ZMYM5: variants seen among roughly 807,000 people sequenced by gnomAD.
ZMYM5 encodes zinc finger MYM-type containing 5.
Under a neutral mutation model 61.8 loss-of-function variants are expected in ZMYM5, and 41 were observed. The observed-to-expected ratio is 0.66, with a 90% confidence interval of 0.52 to 0.86. The LOEUF (loss-of-function observed/expected upper bound fraction) is 0.86, where lower values mean the gene tolerates loss of function less well. Among genes scored for constraint, ZMYM5 ranks in the 40% least tolerant of loss-of-function variants. The pLI, the probability that ZMYM5 is intolerant of heterozygous loss-of-function variation, is 0.00. For missense variants in ZMYM5, 706 were observed against 786.7 expected (o/e 0.90, Z 1.23); for synonymous variants, 257 against 276.4 (o/e 0.93, Z 0.70).
rs558563552 is a variant in ZMYM5, at chr13:19,860,710, T to C, written c.-11+1689A>G. Among the ~76,000 whole-genome samples the C allele has an allele frequency of 3.3e-3, 505 of 151,978 alleles. 6 individuals carry two copies. Among genetic ancestry groups the C allele is most frequent in the African/African-American group, 0.012 (482 of 41,428 alleles). ...ACCTCGGCCTCCCAAAGTGCTGGGA[T>C]TACAGGTGTGAGCCACCATGCCCAG... On this transcript the variant is annotated intron_variant, in intron 2 of 7. Transcript: ENST00000337963.
intron 7 of ZMYM5, among the ~76,000 whole-genome samples, chr13:19,826,789 A>AAAACTTAG (rs1302579002): frequency 2.0e-5 from 3 of 152,064 alleles, no homozygotes; most frequent in African/African-American, 7.2e-5. Flanking sequence ...TGTCCACACA[A>AAAACTTAG]AAACTTAGAC....
intron 3 of ZMYM5, 83 bp downstream of exon 3, chr13:19,851,606 G>A (rs1953299008): frequency 6.5e-7 from 1 of 1,543,742 alleles, no homozygotes; most frequent in Non-Finnish European, 8.7e-7. Flanking sequence ...GCTTATACCT[G>A]TTTCTAAGGT....
chr13:19,856,019 A>T (rs1215248149), intron 2 of ZMYM5, among the ~76,000 whole-genome samples: 1 of 151,918 alleles, frequency 6.6e-6, no homozygotes, highest in Non-Finnish European at 1.5e-5. Context: ...TTCCATCTCA[A>T]AAACAAAAAA....
chr13:19,856,828 C>T (rs1489375117), intron 2 of ZMYM5, among the ~76,000 whole-genome samples: 2 of 151,622 alleles, frequency 1.3e-5, no homozygotes, highest in African/African-American at 2.4e-5. Context: ...ACAAAAAGGC[C>T]GGGCGCAGTG....
intron 4 of ZMYM5, among the ~76,000 whole-genome samples, chr13:19,850,496 G>A (rs1408399984): frequency 6.6e-6 from 1 of 152,060 alleles, no homozygotes; most frequent in African/African-American, 2.4e-5. Flanking sequence ...AGCTACCTGG[G>A]AGGCTGAGGC....
chr13:19,847,879 T>C (rs570391777), intron 4 of ZMYM5, among the ~76,000 whole-genome samples: 1 of 148,412 alleles, frequency 6.7e-6, no homozygotes, highest in South Asian at 2.2e-4. Context: ...GGTCTCGATC[T>C]CCTGACCTCG....
chr13:19,851,204 A>G, intron 4 of ZMYM5, 151 bp downstream of exon 4: 1 of 713,812 alleles, frequency 1.4e-6, no homozygotes, highest in Non-Finnish European at 2.3e-6. Flanking sequence ...GGGTGAGAAG[A>G]GCGAAACTCG....
At chr13:19,860,131 A>G (rs1736321252) in intron 2 of ZMYM5, among the ~76,000 whole-genome samples, 1 of 149,010 alleles carries the variant, frequency 6.7e-6, no homozygotes, top group Non-Finnish European at 1.5e-5. Flanking sequence ...AAAAGAGGAA[A>G]AAAAAAGAAT....
chr13:19,846,241 A>G (rs1388552660), intron 4 of ZMYM5, among the ~76,000 whole-genome samples: 1 of 152,218 alleles, frequency 6.6e-6, no homozygotes, highest in Non-Finnish European at 1.5e-5. Flanking sequence ...ACTGGGTAGT[A>G]TGCATAAAGT....
chr13:19,847,803 A>ATTTTTTTTTT (rs34176871), intron 4 of ZMYM5, among the ~76,000 whole-genome samples: 542 of 79,762 alleles, frequency 6.8e-3, no homozygotes, highest in African/African-American at 7.4e-3. Context: ...TGCCCGGCTA[A>ATTTTTTTTTT]TTTTTTTTTT....
At chr13:19,833,747 A>T (rs1193065045) in intron 7 of ZMYM5, among the ~76,000 whole-genome samples, 1 of 152,240 alleles carries the variant, frequency 6.6e-6, no homozygotes, top group Non-Finnish European at 1.5e-5. Context: ...AGCAAATAAT[A>T]AATAGGACTT....
intron 6 of ZMYM5, among the ~76,000 whole-genome samples, chr13:19,836,050 C>T (rs1952665600): frequency 6.6e-6 from 1 of 152,174 alleles, no homozygotes; most frequent in South Asian, 2.1e-4. Flanking sequence ...TATCGAACTC[C>T]TGACCTCAAG....
At position 19,830,839 on chromosome 13, in the gene ZMYM5, C is replaced by CT. The variant is rs1160103759; in HGVS notation, c.1251+4637dup. ...GCCAACTGTTTATGAGTTACTTTTT[C>CT]TTTTTTTTTTTTTTTTTTGAGACAG... On this transcript the variant is annotated intron_variant, in intron 7 of 7. Coordinates refer to ENST00000337963, the MANE Select transcript of ZMYM5 (RefSeq NM_001142684.2). Among the ~76,000 whole-genome samples the CT allele has an allele frequency of 7.2e-3, 932 of 129,550 alleles. 18 individuals are homozygous for CT. Among genetic ancestry groups the CT allele is most frequent in the East Asian group, 0.061 (270 of 4,408 alleles). The allele number at this position is 129,550 out of a possible 152,430, so 85.0% of individuals were successfully genotyped here. A position where few individuals can be genotyped will look rare whatever the true frequency, so the allele number is the denominator to read the frequency against.
intron 7 of ZMYM5, among the ~76,000 whole-genome samples, chr13:19,828,408 A>C (rs1027273993): frequency 1.3e-4 from 20 of 152,030 alleles, no homozygotes; most frequent in African/African-American, 4.6e-4. Context: ...TGGGAGGTGG[A>C]GGTTGCAGTG....
At chr13:19,833,490 C>T (rs1181578643) in intron 7 of ZMYM5, among the ~76,000 whole-genome samples, 1 of 152,072 alleles carries the variant, frequency 6.6e-6, no homozygotes, top group African/African-American at 2.4e-5. Flanking sequence ...CTCTGTTAGC[C>T]CATTTGTTTA....
intron 2 of ZMYM5, among the ~76,000 whole-genome samples, chr13:19,857,110 C>T (rs918034374): frequency 5.3e-5 from 8 of 152,062 alleles, no homozygotes; most frequent in East Asian, 1.9e-4. Flanking sequence ...CGTCTCAAAA[C>T]GAAAACAAAA....
chr13:19,841,190 C>T (rs1952865817), intron 4 of ZMYM5, among the ~76,000 whole-genome samples: 1 of 152,044 alleles, frequency 6.6e-6, no homozygotes. Flanking sequence ...GTCTTGAACT[C>T]CTGACCTCGT....
intron 7 of ZMYM5, among the ~76,000 whole-genome samples, chr13:19,831,106 C>T (rs538794698): frequency 1.4e-5 from 2 of 146,856 alleles, no homozygotes; most frequent in African/African-American, 5.0e-5. Flanking sequence ...GGATTACAGG[C>T]GTGAGCCACC....
chr13:19,857,030 C>T (rs987695073), intron 2 of ZMYM5, among the ~76,000 whole-genome samples: 8 of 152,136 alleles, frequency 5.3e-5, no homozygotes, highest in Admixed American at 4.6e-4. Flanking sequence ...GGCGTGAACC[C>T]GGGAGGCGGA....
Sources: allele counts gnomAD v4.1 joint callset (sites outside exome capture counted in the v4.1 genomes callset), GRCh38; gene constraint gnomAD v4.1.1; transcripts MANE v1.5; gene names NCBI Gene and HGNC (gene_info 2026-07-23, HGNC 2026-07-21).